Variants in PAK5 observed in about 807,000 individuals in gnomAD.
PAK5 encodes the protein p21 (RAC1) activated kinase 5.
A neutral mutation model predicts 65.9 loss-of-function variants in PAK5; 16 were observed. The ratio of observed to expected loss-of-function variants is 0.24; its 90% confidence interval spans 0.16 to 0.37. PAK5 has a LOEUF of 0.37. PAK5 is among the 10% of genes least tolerant of loss of function. The pLI is 1.00. For synonymous variants in PAK5, 371 were observed against 354.9 expected (o/e 1.05, Z -0.51); for missense variants, 785 against 903.9 (o/e 0.87, Z 1.69).
At chr20:9,668,385 G>C (rs2047448536) in intron 2 of PAK5, among the ~76,000 whole-genome samples, 1 of 152,124 alleles carries the variant, frequency 6.6e-6, no homozygotes, top group Non-Finnish European at 1.5e-5. Flanking sequence ...ATTCTTGCCT[G>C]AATTTAAATC....
At chr20:9,740,080 T>C (rs562910977) in intron 1 of PAK5, among the ~76,000 whole-genome samples, 1 of 152,284 alleles carries the variant, frequency 6.6e-6, no homozygotes, top group East Asian at 1.9e-4. Flanking sequence ...TTTCCAAATG[T>C]GGAGTCTATA....
At chr20:9,747,300 A>G (rs1386106420) in intron 1 of PAK5, among the ~76,000 whole-genome samples, 2 of 152,178 alleles carry the variant, frequency 1.3e-5, no homozygotes, top group South Asian at 4.1e-4. Context: ...ATTCCAGTCA[A>G]TAGAAAAAGA....
chr20:9,831,947 A>G (rs1487031144), intron 1 of PAK5, among the ~76,000 whole-genome samples: 1 of 152,208 alleles, frequency 6.6e-6, no homozygotes, highest in Non-Finnish European at 1.5e-5. Flanking sequence ...CACAAAACAC[A>G]TATTAACAAT....
intron 2 of PAK5, among the ~76,000 whole-genome samples, chr20:9,677,405 C>A (rs1372628639): frequency 6.6e-6 from 1 of 152,168 alleles, no homozygotes; most frequent in Non-Finnish European, 1.5e-5. Flanking sequence ...TCTCTTCTTT[C>A]TTTTTCTACT....
chr20:9,613,017 T>G (rs1269920268), intron 3 of PAK5, among the ~76,000 whole-genome samples: 1 of 152,162 alleles, frequency 6.6e-6, no homozygotes, highest in East Asian at 1.9e-4. Flanking sequence ...GAGCTAATAT[T>G]TTAGGTTTTG....
In PAK5 at chr20:9,802,910, G is replaced by GTGTATATATATATATATA. The variant is rs142279832; in HGVS notation, c.-162+35851_-162+35852insTATATATATATATATACA. Among the ~76,000 whole-genome samples the GTGTATATATATATATATA allele has an allele frequency of 1.5e-3, 69 of 46,368 alleles. 1 individual carries two copies. The highest frequency in any genetic ancestry group is 4.6e-3 in the African/African-American group (57 of 12,506). 30.4% of individuals were successfully genotyped at this position (46,368 alleles called of 152,430 possible). ...CTTCTGTACTATTGTATATGTATGT[G>GTGTATATATATATATATA]TATATATATATATATATATATATGA... On this transcript the variant is annotated intron_variant, in intron 1 of 9. Coordinates refer to ENST00000353224, the MANE Select transcript of PAK5 (RefSeq NM_177990.4).
intron 3 of PAK5, among the ~76,000 whole-genome samples, chr20:9,584,225 T>C (rs537064192): frequency 6.3e-4 from 96 of 152,342 alleles, no homozygotes; most frequent in African/African-American, 2.1e-3. Context: ...GAAACAGCTA[T>C]AACTCAGCCT....
At chr20:9,587,934 T>C (rs1159694963) in intron 3 of PAK5, among the ~76,000 whole-genome samples, 1 of 152,170 alleles carries the variant, frequency 6.6e-6, no homozygotes, top group Non-Finnish European at 1.5e-5. Flanking sequence ...GTGTTAAATG[T>C]ACTATATGTA....
At chr20:9,700,834 C>T (rs59344915) in intron 2 of PAK5, among the ~76,000 whole-genome samples, 46,990 of 152,010 alleles carry the variant, frequency 0.31, 7,613 homozygotes, top group African/African-American at 0.4. Context: ...GCACATAGGG[C>T]GCCCCAAACA....
Position 9,822,922 on chromosome 20 carries a change from TCC to T in PAK5, c.-162+15838_-162+15839del, listed in dbSNP as rs563807175. Among the ~76,000 whole-genome samples the T allele has an allele frequency of 4.5e-3, 693 of 152,332 alleles. 2 individuals are homozygous for T. The highest frequency in any genetic ancestry group is 7.9e-3 in the Non-Finnish European group (540 of 68,026). ...TTGGAGGCATGAGTTTTATACCATT[TCC>T]CAGTTCCTCTATTTTAATACTCTAA... On this transcript the variant is annotated intron_variant, in intron 1 of 9. Transcript: ENST00000353224.
intron 2 of PAK5, among the ~76,000 whole-genome samples, chr20:9,651,342 A>T (rs2047200432): frequency 1.3e-5 from 2 of 152,210 alleles, no homozygotes; most frequent in African/African-American, 2.4e-5. Flanking sequence ...ATGGAGTAGG[A>T]ACTCTACTAT....
chr20:9,670,023 G>T (rs1023282532), intron 2 of PAK5, among the ~76,000 whole-genome samples: 1 of 151,962 alleles, frequency 6.6e-6, no homozygotes, highest in Non-Finnish European at 1.5e-5. Flanking sequence ...CATGCGGTGT[G>T]TGGTTTTTTG....
At chr20:9,653,347 C>T (rs1227913883) in intron 2 of PAK5, among the ~76,000 whole-genome samples, 1 of 152,150 alleles carries the variant, frequency 6.6e-6, no homozygotes, top group African/African-American at 2.4e-5. Context: ...CTCCTTTATG[C>T]CAATGAGCCC....
chr20:9,634,179 C>T (rs1427720543), intron 3 of PAK5, among the ~76,000 whole-genome samples: 1 of 152,126 alleles, frequency 6.6e-6, no homozygotes, highest in East Asian at 1.9e-4. Flanking sequence ...CCATGAATCT[C>T]CAGTTATTCT....
At chr20:9,556,257 G>A (rs1219172161) in intron 7 of PAK5, among the ~76,000 whole-genome samples, 1 of 152,196 alleles carries the variant, frequency 6.6e-6, no homozygotes, top group African/African-American at 2.4e-5. Context: ...TGCAAATTGT[G>A]TATACATGTA....
intron 3 of PAK5, among the ~76,000 whole-genome samples, chr20:9,615,113 C>T (rs2046631502): frequency 6.6e-6 from 1 of 152,170 alleles, no homozygotes; most frequent in Admixed American, 6.5e-5. Flanking sequence ...AACCACAGGA[C>T]TCACTGGAAC....
chr20:9,641,542 ACC>A (rs2047061291), intron 3 of PAK5, among the ~76,000 whole-genome samples: 1 of 151,178 alleles, frequency 6.6e-6, no homozygotes, highest in Non-Finnish European at 1.5e-5. Flanking sequence ...TGGATCCCGC[ACC>A]GGGGCTGCAG....
chr20:9,609,894 T>C (rs2123140621), intron 3 of PAK5, among the ~76,000 whole-genome samples: 1 of 152,342 alleles, frequency 6.6e-6, no homozygotes, highest in Non-Finnish European at 1.5e-5. Context: ...TGTAACACTC[T>C]AAATCCATTC....
intron 1 of PAK5, among the ~76,000 whole-genome samples, chr20:9,830,119 A>G (rs1375232785): frequency 6.6e-6 from 1 of 152,212 alleles, no homozygotes. Context: ...AGTGCTGTCC[A>G]GGTGCTGAGA....
Sources: gnomAD v4.1 joint callset for allele counts (sites outside exome capture counted in the v4.1 genomes callset) on GRCh38, gnomAD v4.1.1 for gene constraint, MANE v1.5 for transcripts, NCBI Gene and HGNC (gene_info 2026-07-23, HGNC 2026-07-21) for gene names.